SERINC5: variants seen among roughly 807,000 people sequenced by gnomAD.
SERINC5 encodes the protein serine incorporator 5, also known as chromosome 5 open reading frame 12.
A neutral mutation model predicts 63.1 loss-of-function variants in SERINC5; 41 were observed. The ratio of observed to expected loss-of-function variants is 0.65; its 90% CI spans 0.51 to 0.84. SERINC5 has a LOEUF of 0.84. Among genes scored for constraint, SERINC5 ranks in the 40% least tolerant of loss-of-function variants. SERINC5 has a pLI of 0.00. For synonymous variants in SERINC5, 222 were observed against 215.2 expected, an observed-to-expected ratio of 1.03 and a Z score of -0.28; for missense variants, 523 against 573.0, an observed-to-expected ratio of 0.91 and a Z score of 0.89.
Position 80,192,079 on chromosome 5 carries a change from T to A in SERINC5, c.195+10807A>T, listed in dbSNP as rs141592198. 6.7e-3 allele frequency among the ~76,000 whole-genome samples: 1,024 copies of A among 152,376 alleles called. 6 individuals are homozygous for A. Among genetic ancestry groups the A allele is most frequent in the South Asian group, 0.016 (75 of 4,830 alleles). On this transcript the variant is annotated intron_variant, in intron 2 of 11. Transcript: ENST00000507668. ...CCATTGGCTGGCATATTGTTTTGGCTGCTTTTGCACTACAAAGGCGAGAGC... is the reference window on the plus strand; with the variant it reads ...CCATTGGCTGGCATATTGTTTTGGCAGCTTTTGCACTACAAAGGCGAGAGC...
At chr5:80,255,398 C>G (rs2112627611) in intron 1 of SERINC5, among the ~76,000 whole-genome samples, 1 of 152,220 alleles carries the variant, frequency 6.6e-6, no homozygotes, top group South Asian at 2.1e-4. Flanking sequence ...GAGACATTCT[C>G]AAAGGTACAG....
At chr5:80,184,090 C>T (rs1444394321) in intron 2 of SERINC5, among the ~76,000 whole-genome samples, 1 of 152,150 alleles carries the variant, frequency 6.6e-6, no homozygotes, top group Non-Finnish European at 1.5e-5. Flanking sequence ...AAAAGTTACA[C>T]CTGTATGAGT....
chr5:80,217,613 T>C lies in SERINC5; in HGVS notation c.28-14560A>G, dbSNP rs534682530. 6.6e-5 allele frequency among the ~76,000 whole-genome samples: 10 copies of C among 152,316 alleles called. No homozygotes were observed. The East Asian group carries it at 1.9e-3, about 29-fold the overall frequency. On this transcript the variant is annotated intron_variant, in intron 1 of 11. Coordinates refer to ENST00000507668, the MANE Select transcript of SERINC5 (RefSeq NM_001174072.3). ...AATTCTATGCACAATATGTAACACA[T>C]ATGGATGCAGTATAATACCAAAAAT...
At chr5:80,147,115 A>G (rs1246432918) in intron 10 of SERINC5, 130 bp downstream of exon 10, 2 of 799,402 alleles carry the variant, frequency 2.5e-6, no homozygotes, top group Non-Finnish European at 4.1e-6. Flanking sequence ...TATAAGTAGT[A>G]AGTCAGCTTT....
intron 1 of SERINC5, among the ~76,000 whole-genome samples, chr5:80,221,547 G>C (rs540616727): frequency 6.6e-6 from 1 of 152,254 alleles, no homozygotes; most frequent in Non-Finnish European, 1.5e-5. Flanking sequence ...TATTAACCAG[G>C]ATTATGGGAT....
chr5:80,139,862 C>A lies in SERINC5; in HGVS notation c.*3801G>T. On this transcript the variant is annotated 3_prime_UTR_variant, in exon 12 of 12. Coordinates refer to ENST00000507668, the MANE Select transcript of SERINC5 (RefSeq NM_001174072.3). ...CCTTCTTAGTTGTAGGTTGGGCCCT[C>A]TTTCGTTTCCAAGAGGTATAGGACA... 1.0e-6 allele frequency: 1 copy of A among 985,362 alleles called. No individual in the cohort carries two copies. The highest frequency in any genetic ancestry group is 1.7e-5 in the African/African-American group (1 of 57,310). 61.0% of individuals were successfully genotyped at this position (985,362 alleles called of 1,614,324 possible). A position where few individuals can be genotyped will look rare whatever the true frequency, so the allele number is the denominator to read the frequency against.
At chr5:80,148,501 C>T (rs771831890) in intron 9 of SERINC5, among the ~76,000 whole-genome samples, 1 of 151,798 alleles carries the variant, frequency 6.6e-6, no homozygotes, top group Non-Finnish European at 1.5e-5. Context: ...TTATTTCTTA[C>T]CTACTCAAAA....
chr5:80,253,022 ACTTGGGTTTTC>A (rs1368669244), intron 1 of SERINC5, among the ~76,000 whole-genome samples: 1 of 152,192 alleles, frequency 6.6e-6, no homozygotes, highest in Non-Finnish European at 1.5e-5. Context: ...AAGCCAAGAA[ACTTGGGTTTTC>A]CTCACCAAAT....
At chr5:80,167,497 G>A (rs993578693) in intron 6 of SERINC5, among the ~76,000 whole-genome samples, 1 of 152,032 alleles carries the variant, frequency 6.6e-6, no homozygotes, top group East Asian at 1.9e-4. Flanking sequence ...TACCATTGAC[G>A]GGCATGTCGG....
At chr5:80,214,894 T>C (rs13190143) in intron 1 of SERINC5, among the ~76,000 whole-genome samples, 18,745 of 152,112 alleles carry the variant, frequency 0.12, 1,340 homozygotes, top group Non-Finnish European at 0.16. Context: ...TGAAACTCCA[T>C]CTCAAAACAG....
intron 1 of SERINC5, among the ~76,000 whole-genome samples, chr5:80,219,327 C>A (rs1230004364): frequency 6.6e-6 from 1 of 152,216 alleles, no homozygotes; most frequent in Non-Finnish European, 1.5e-5. Context: ...TGTTTTCCTA[C>A]AGCTGAGAAA....
At chr5:80,238,788 CAAAAA>C (rs34850558) in intron 1 of SERINC5, among the ~76,000 whole-genome samples, 179 of 99,002 alleles carry the variant, frequency 1.8e-3, no homozygotes, top group African/African-American at 6.3e-3. Context: ...GACTTCATCT[CAAAAA>C]AAAAAAAAAA....
chr5:80,115,175 C>T (rs1399277718), intron 11 of SERINC5, among the ~76,000 whole-genome samples: 3 of 151,954 alleles, frequency 2.0e-5, no homozygotes, highest in East Asian at 3.8e-4. Flanking sequence ...TTTTAGCAGA[C>T]GTTTTACTAT....
At chr5:80,188,893 A>C (rs1400186543) in intron 2 of SERINC5, among the ~76,000 whole-genome samples, 1 of 152,152 alleles carries the variant, frequency 6.6e-6, no homozygotes, top group African/African-American at 2.4e-5. Context: ...GCGCCACTGC[A>C]CTGCAGCCTA....
intron 12 of SERINC5, among the ~76,000 whole-genome samples, chr5:80,112,648 C>T (rs145814532): frequency 6.6e-6 from 1 of 152,116 alleles, no homozygotes; most frequent in African/African-American, 2.4e-5. Context: ...GCAAACCACC[C>T]CTTCATGTGA....
chr5:80,161,820 A>AT (rs777989462), intron 7 of SERINC5, among the ~76,000 whole-genome samples: 1 of 152,088 alleles, frequency 6.6e-6, no homozygotes, highest in Non-Finnish European at 1.5e-5. Flanking sequence ...TTCTTCTAGC[A>AT]TTTTTACAGT....
At chr5:80,125,580 C>T (rs61023339) in intron 11 of SERINC5, among the ~76,000 whole-genome samples, 21,147 of 152,074 alleles carry the variant, frequency 0.14, 1,543 homozygotes, top group South Asian at 0.2. Flanking sequence ...ACTTGAAAGC[C>T]GTAAGTATAT....
intron 1 of SERINC5, among the ~76,000 whole-genome samples, chr5:80,242,226 A>ATAAAAAGCATACTT (rs771888180): frequency 1.6e-4 from 24 of 152,244 alleles, no homozygotes; most frequent in Non-Finnish European, 3.1e-4. Flanking sequence ...TATCACGTCT[A>ATAAAAAGCATACTT]TAAAAAGCAT....
At chr5:80,241,685 G>A (rs1751947535) in intron 1 of SERINC5, among the ~76,000 whole-genome samples, 1 of 151,310 alleles carries the variant, frequency 6.6e-6, no homozygotes, top group Non-Finnish European at 1.5e-5. Context: ...TGGGTGACAG[G>A]GTGAGAACCC....
Sources: allele counts gnomAD v4.1 joint callset (sites outside exome capture counted in the v4.1 genomes callset), GRCh38; gene constraint gnomAD v4.1.1; transcripts MANE v1.5; gene names NCBI Gene and HGNC (gene_info 2026-07-23, HGNC 2026-07-21).